Variants in KIFBP observed in about 807,000 individuals in gnomAD.
KIFBP encodes kinesin family binding protein, also known as KIF-binding protein.
Under a neutral mutation model 58.9 loss-of-function variants are expected in KIFBP, and 46 were observed. That is an observed-to-expected ratio of 0.78 (90% confidence interval 0.62 to 1.00). The LOEUF (loss-of-function observed/expected upper bound fraction) is 1.00, where lower values mean the gene tolerates loss of function less well. KIFBP is among the 50% of genes least tolerant of loss of function. The pLI, the probability that KIFBP is intolerant of heterozygous loss-of-function variation, is 0.00. For synonymous variants in KIFBP, 241 were observed against 283.4 expected (o/e 0.85, Z 1.50); for missense variants, 651 against 752.9 (o/e 0.86, Z 1.58).
At chr10:69,006,796 C>T (rs1430907816) in intron 4 of KIFBP, 4 of 152,084 alleles carry the variant, frequency 2.6e-5, no homozygotes, top group South Asian at 2.1e-4. Context: ...ATTTCGTTAG[C>T]GTTGGTTCTG....
rs1316618750 is a variant in KIFBP at position 68,989,494 on chromosome 10, G to A, written c.426+236G>A. On this transcript the variant is annotated intron_variant, in intron 1 of 6. Coordinates refer to ENST00000361983, the MANE Select transcript of KIFBP (RefSeq NM_015634.4). ...GTCCCCAGACTCCGTGTCCACCCTCGTCGCCCACACCAATATCGCTTGCTG... is the reference window on the plus strand; with the variant it reads ...GTCCCCAGACTCCGTGTCCACCCTCATCGCCCACACCAATATCGCTTGCTG... 4 of 593,196 alleles carry A rather than the reference G, an allele frequency of 6.7e-6. No individual in the cohort carries two copies. The South Asian group carries it at 8.0e-5, about 12-fold the overall frequency. 36.7% of individuals were successfully genotyped at this position (593,196 alleles called of 1,614,324 possible). A position where few individuals can be genotyped will look rare whatever the true frequency, so the allele number is the denominator to read the frequency against.
intron 4 of KIFBP, among the ~76,000 whole-genome samples, chr10:69,008,377 T>TAAAAAAAAA (rs1211667916): frequency 3.8e-4 from 29 of 75,412 alleles, no homozygotes; most frequent in African/African-American, 5.0e-4. Flanking sequence ...CCCTGTCTCG[T>TAAAAAAAAA]AAAAAAAAAA....
chr10:69,001,727 G>A (rs913599589), intron 2 of KIFBP, among the ~76,000 whole-genome samples: 1 of 151,394 alleles, frequency 6.6e-6, no homozygotes, highest in Non-Finnish European at 1.5e-5. Context: ...ACTCCGGCCT[G>A]GGCGACAGTG....
intron 4 of KIFBP, among the ~76,000 whole-genome samples, chr10:69,008,391 A>AAAAAAAAAAAAATATATAT: frequency 2.0e-4 from 14 of 71,588 alleles, no homozygotes; most frequent in Non-Finnish European, 3.1e-4. Flanking sequence ...AAAAAAAAAA[A>AAAAAAAAAAAAATATATAT]ATATATATAT....
intron 1 of KIFBP, chr10:68,991,195 C>CG (rs1321632239): frequency 6.5e-6 from 1 of 153,948 alleles, no homozygotes. Context: ...CAACCACCAC[C>CG]GGGGCTCTGG....
intron 1 of KIFBP, chr10:68,991,505 C>A: frequency 2.3e-6 from 1 of 427,444 alleles, no homozygotes; most frequent in South Asian, 1.9e-5. Context: ...AAATGAATAA[C>A]ATTGGAGACA....
chr10:69,003,400 C>T (rs1387984111), intron 2 of KIFBP, among the ~76,000 whole-genome samples: 1 of 152,072 alleles, frequency 6.6e-6, no homozygotes, highest in Admixed American at 6.5e-5. Flanking sequence ...TGGGAGCCCA[C>T]GTTGTGATGC....
At chr10:68,996,292 G>C (rs927023714) in intron 1 of KIFBP, among the ~76,000 whole-genome samples, 3 of 152,084 alleles carry the variant, frequency 2.0e-5, no homozygotes, top group African/African-American at 7.2e-5. Context: ...CGGGTGTGGT[G>C]GCTGACGCCT....
Position 69,011,145 on chromosome 10 carries a change from A to G in KIFBP, c.990+130A>G, listed in dbSNP as rs980712423. On this transcript the variant is annotated intron_variant, in intron 6 of 6. Coordinates refer to ENST00000361983, the MANE Select transcript of KIFBP (RefSeq NM_015634.4). ...AAAGGTGTGTAGAATGTTTTCGTAA[A>G]TATTTCTTTCTTGGTTTTAAATCGT... 7.1e-6 allele frequency: 5 copies of G among 706,970 alleles called. No homozygotes were observed. The African/African-American group carries it at 7.1e-5, about 10-fold the overall frequency. The allele number at this position is 706,970 out of a possible 1,614,324, so 43.8% of individuals were successfully genotyped here.
intron 1 of KIFBP, among the ~76,000 whole-genome samples, chr10:68,999,550 C>T (rs1177551167): frequency 1.3e-5 from 2 of 152,092 alleles, no homozygotes; most frequent in East Asian, 1.9e-4. Flanking sequence ...ATATTGTTGA[C>T]CTGCTGGGGC....
In KIFBP at chr10:69,016,270, G is replaced by T; in HGVS notation, c.1720G>T (p.Glu574Ter). The change falls in exon 7 of 7, where the codon GAA becomes TAA. Residue 574 changes from glutamate to a stop codon, truncating the protein, a stop_gained. Transcript: ENST00000361983. LOFTEE classifies it high-confidence loss of function. The stretch of plus-strand genomic sequence containing the variant: ...GCTGGAAAATTTGGCAACATCATTG[G>T]AACATTACAAATTTATTGTTGATTA... Reference protein sequence around the residue: ...KELENLATSLEHYKFIVDYCE... With the variant: ...KELENLATSL The T allele has an allele frequency of 6.2e-7, 1 of 1,602,664 alleles. No homozygotes were observed. Among genetic ancestry groups the T allele is most frequent in the South Asian group, 1.1e-5 (1 of 89,718 alleles).
chr10:69,015,016 G>A (rs1838977027), intron 6 of KIFBP, among the ~76,000 whole-genome samples: 1 of 152,024 alleles, frequency 6.6e-6, no homozygotes, highest in South Asian at 2.1e-4. Context: ...TCTGCCTCCT[G>A]GGTTCAAGCG....
intron 1 of KIFBP, chr10:68,991,477 C>T (rs565178948): frequency 4.0e-5 from 15 of 376,596 alleles, no homozygotes; most frequent in East Asian, 2.2e-4. Flanking sequence ...ATGAGGATGT[C>T]GATGTCTCCG....
chr10:69,015,324 C>T (rs1190032127), intron 6 of KIFBP: 4 of 523,630 alleles, frequency 7.6e-6, no homozygotes, highest in Non-Finnish European at 1.3e-5. Context: ...AGCAGCTTGT[C>T]TATTTAAATA....
At chr10:69,011,151 C>T (rs566503658) in intron 6 of KIFBP, 136 bp downstream of exon 6, 1 of 701,122 alleles carries the variant, frequency 1.4e-6, no homozygotes. Context: ...GTAAATATTT[C>T]TTTCTTGGTT....
chr10:69,008,109 G>A (rs1239458571), intron 4 of KIFBP, among the ~76,000 whole-genome samples: 1 of 151,684 alleles, frequency 6.6e-6, no homozygotes, highest in Non-Finnish European at 1.5e-5. Flanking sequence ...GATGTAAAGG[G>A]GCTCTCTAAA....
chr10:68,992,390 A>T (rs1843359492), intron 1 of KIFBP, among the ~76,000 whole-genome samples: 1 of 152,068 alleles, frequency 6.6e-6, no homozygotes. Flanking sequence ...AATCAAGGGG[A>T]TGGGGATTTT....
At chr10:69,007,809 T>C (rs1179645433) in intron 4 of KIFBP, 3 of 152,238 alleles carry the variant, frequency 2.0e-5, no homozygotes, top group Non-Finnish European at 4.4e-5. Flanking sequence ...AACTAAAAGT[T>C]GGACTTTAAC....
chr10:69,005,895 T>G lies in KIFBP; in HGVS notation c.769T>G (p.Ser257Ala), dbSNP rs747701445. The part of the protein sequence containing the change: ...IEWAINAATL[S>A]QFYINKLCFM... ...GTGGGCTATCAATGCTGCTACCTTG[T>G]CACAGTTTTACATCAATAAGGTAAG... is the stretch of plus-strand genomic sequence containing the variant. The change falls in exon 4 of 7, where the codon TCA (serine) becomes GCA (alanine). Residue 257 changes from serine (S) to alanine (A), a missense_variant. Transcript: ENST00000361983. 6.2e-7 allele frequency: 1 copy of G among 1,614,032 alleles called. No homozygotes were observed. Among genetic ancestry groups the G allele is most frequent in the South Asian group, 1.1e-5 (1 of 91,032 alleles).
Sources: allele counts gnomAD v4.1 joint callset (sites outside exome capture counted in the v4.1 genomes callset), GRCh38; gene constraint gnomAD v4.1.1; transcripts MANE v1.5; gene names NCBI Gene and HGNC (gene_info 2026-07-23, HGNC 2026-07-21).